The following AKAP13 variants were observed in gnomAD, a reference collection of about 807,000 sequenced individuals.
AKAP13 encodes A-kinase anchor protein 13.
Under a neutral mutation model 264.5 loss-of-function variants are expected in AKAP13, and 80 were observed. That is an observed-to-expected ratio of 0.30 (90% CI 0.25 to 0.36). The LOEUF is 0.36. Among genes scored for constraint, AKAP13 ranks in the 10% least tolerant of loss-of-function variants. AKAP13 has a pLI of 1.00. For synonymous variants in AKAP13, 1,380 were observed against 1,250.2 expected (o/e 1.10, Z -2.19); for missense variants, 3,712 against 3,435.2 (o/e 1.08, Z -2.01).
rs1567038675 is a variant in AKAP13 at position 85,399,527 on chromosome 15, A to AAAAAATAAAT, written c.-12+18732_-12+18733insAATAAATAAA. Among the ~76,000 whole-genome samples the AAAAAATAAAT allele has an allele frequency of 3.4e-3, 392 of 114,654 alleles. 2 individuals are homozygous for AAAAAATAAAT. The highest frequency in any genetic ancestry group is 5.7e-3 in the South Asian group (23 of 4,050). The allele number at this position is 114,654 out of a possible 152,430, so 75.2% of individuals were successfully genotyped here. ...CAAAAAAAAAAAAAAAAAAAATAAA[A>AAAAAATAAAT]AAATAAAAAAATAAATAAATAAATA... On this transcript the variant is annotated intron_variant, in intron 1 of 36. Coordinates refer to ENST00000394518, the MANE Select transcript of AKAP13 (RefSeq NM_007200.5).
chr15:85,441,831 C>G (rs2073665428), intron 1 of AKAP13, among the ~76,000 whole-genome samples: 1 of 152,008 alleles, frequency 6.6e-6, no homozygotes, highest in Non-Finnish European at 1.5e-5. Flanking sequence ...TGAACACACG[C>G]CTTCATTTTC....
intron 8 of AKAP13, among the ~76,000 whole-genome samples, chr15:85,612,475 A>G (rs1212513930): frequency 1.3e-5 from 2 of 152,162 alleles, no homozygotes; most frequent in Admixed American, 1.3e-4. Flanking sequence ...GGTGGGAAAA[A>G]TAGCATAAGG....
At chr15:85,601,340 C>T (rs1216501076) in intron 8 of AKAP13, among the ~76,000 whole-genome samples, 6 of 152,074 alleles carry the variant, frequency 3.9e-5, no homozygotes, top group Non-Finnish European at 2.9e-5. Context: ...CTTCAGAAAA[C>T]CATCTCTGTT....
chr15:85,509,060 A>G (rs1385722811), intron 2 of AKAP13, among the ~76,000 whole-genome samples: 2 of 152,222 alleles, frequency 1.3e-5, no homozygotes, highest in African/African-American at 4.8e-5. Flanking sequence ...CTGCTAAAAT[A>G]TAAGCTCCAT....
At chr15:85,631,024 A>G (rs1024907256) in intron 8 of AKAP13, among the ~76,000 whole-genome samples, 21 of 152,150 alleles carry the variant, frequency 1.4e-4, no homozygotes, top group Non-Finnish European at 2.5e-4. Flanking sequence ...AACCACCCAG[A>G]TTTCCATCAA....
chr15:85,620,751 G>A (rs1020058958), intron 8 of AKAP13, among the ~76,000 whole-genome samples: 2 of 152,188 alleles, frequency 1.3e-5, no homozygotes, highest in African/African-American at 4.8e-5. Context: ...TTCAGAGGTA[G>A]CTTCTGACTT....
Position 85,693,420 on chromosome 15 carries a change from C to G in AKAP13, c.5433C>G (p.Pro1811=). The change falls in exon 17 of 37, where the codon CCC becomes CCG. Residue 1811 remains proline (P), a synonymous_variant. Transcript: ENST00000394518. ...GPISCSQCMK[P]FTNKDAYTCA... is the part of the protein sequence containing the mutation. ...TCAGCTGTAGCCAGTGTATGAAGCC[C>G]TTCACCAACAAAGATGCCTATACTT... The G allele has an allele frequency of 6.2e-7, 1 of 1,613,164 alleles. No homozygotes were observed.
intron 19 of AKAP13, among the ~76,000 whole-genome samples, chr15:85,711,235 T>G (rs1423665579): frequency 6.6e-6 from 1 of 152,146 alleles, no homozygotes; most frequent in African/African-American, 2.4e-5. Context: ...TTTTTATTAT[T>G]TCTAAGGACC....
Position 85,470,839 on chromosome 15 carries a change from G to A in AKAP13, c.-11-14871G>A, listed in dbSNP as rs184359109. ...AGATGTGGGGAGAAACAGAGATGCA[G>A]TATCTCAGGAACATTCAATTTTATG... On this transcript the variant is annotated intron_variant, in intron 1 of 36. Transcript: ENST00000394518. 3.2e-3 allele frequency among the ~76,000 whole-genome samples: 495 copies of A among 152,356 alleles called. 1 individual carries two copies. Among genetic ancestry groups the A allele is most frequent in the Non-Finnish European group, 4.9e-3 (336 of 68,032 alleles).
At position 85,728,837 on chromosome 15, in the gene AKAP13, T is replaced by C. The variant is rs2542609; in HGVS notation, c.7087+1374T>C. The stretch of plus-strand genomic sequence containing the variant: ...GTATTAAAAGGCAACAAGGGACTCA[T>C]GTAATTAAAAAAAAAAATTTTTTTT... On this transcript the variant is annotated intron_variant, in intron 29 of 36. Coordinates refer to ENST00000394518, the MANE Select transcript of AKAP13 (RefSeq NM_007200.5). Among the ~76,000 whole-genome samples, 11 of 151,656 alleles carry C rather than the reference T, an allele frequency of 7.3e-5. No homozygotes were observed. The East Asian group carries it at 7.8e-4, about 11-fold the overall frequency.
At chr15:85,381,920 G>C (rs2070301625) in intron 1 of AKAP13, 1 of 152,196 alleles carries the variant, frequency 6.6e-6, no homozygotes, top group South Asian at 2.1e-4. Flanking sequence ...AAACGGTGCA[G>C]TTCTTGAAAG....
intron 6 of AKAP13, among the ~76,000 whole-genome samples, chr15:85,576,994 A>T (rs1299985214): frequency 6.6e-6 from 1 of 152,248 alleles, no homozygotes; most frequent in Non-Finnish European, 1.5e-5. Flanking sequence ...TTTACCATTT[A>T]TTAAATTTAA....
intron 30 of AKAP13, among the ~76,000 whole-genome samples, chr15:85,733,533 T>C (rs2088200719): frequency 6.6e-6 from 1 of 152,220 alleles, no homozygotes; most frequent in African/African-American, 2.4e-5. Context: ...TTTTGAATTA[T>C]AATTTGTACT....
At chr15:85,386,862 C>T (rs1413925836) in intron 1 of AKAP13, among the ~76,000 whole-genome samples, 16 of 151,962 alleles carry the variant, frequency 1.1e-4, no homozygotes. Context: ...TATCACCTCA[C>T]TGTTGATTAC....
intron 1 of AKAP13, among the ~76,000 whole-genome samples, chr15:85,482,109 ATAAGT>A (rs2075370165): frequency 6.6e-6 from 1 of 152,228 alleles, no homozygotes; most frequent in Admixed American, 6.5e-5. Context: ...AATGTATAAA[ATAAGT>A]TAATGCATTA....
At chr15:85,711,644 A>G (rs1049472495) in intron 19 of AKAP13, among the ~76,000 whole-genome samples, 10 of 152,244 alleles carry the variant, frequency 6.6e-5, no homozygotes, top group African/African-American at 2.4e-4. Context: ...CTTTGCTTCC[A>G]GCTACTACCA....
chr15:85,644,890 G>A (rs2082483736), intron 9 of AKAP13, among the ~76,000 whole-genome samples: 1 of 152,062 alleles, frequency 6.6e-6, no homozygotes, highest in African/African-American at 2.4e-5. Flanking sequence ...CTTTAACCGT[G>A]TTGGTACCCA....
chr15:85,431,906 C>A (rs190750165), intron 1 of AKAP13, among the ~76,000 whole-genome samples: 1 of 151,940 alleles, frequency 6.6e-6, no homozygotes, highest in African/African-American at 2.4e-5. Context: ...GAGGTTCAGG[C>A]GAAAGAAATG....
chr15:85,617,769 A>G (rs1299459436), intron 8 of AKAP13, among the ~76,000 whole-genome samples: 2 of 152,230 alleles, frequency 1.3e-5, no homozygotes, highest in African/African-American at 4.8e-5. Flanking sequence ...ATAATAAAGT[A>G]TCAGTTTATC....
Sources: gnomAD v4.1 joint callset for allele counts (sites outside exome capture counted in the v4.1 genomes callset) on GRCh38, gnomAD v4.1.1 for gene constraint, MANE v1.5 for transcripts, NCBI Gene and HGNC (gene_info 2026-07-23, HGNC 2026-07-21) for gene names.